The following SNX13 variants were observed in gnomAD, a reference collection of about 807,000 sequenced individuals.
SNX13 encodes the protein sorting nexin 13.
SNX13 carries 45 observed loss-of-function variants against 133.6 expected under a neutral mutation model. That is an observed-to-expected ratio of 0.34 (90% CI 0.27 to 0.43). The LOEUF (loss-of-function observed/expected upper bound fraction) is 0.43. SNX13 is among the 20% of genes least tolerant of loss of function. The pLI is 1.00. For missense variants in SNX13, 1,032 were observed against 1,145.1 expected (o/e 0.90, Z 1.43); for synonymous variants, 414 against 373.9 (o/e 1.11, Z -1.24).
intron 18 of SNX13, among the ~76,000 whole-genome samples, chr7:17,818,120 C>T (rs911557615): frequency 1.3e-5 from 2 of 152,114 alleles, no homozygotes; most frequent in African/African-American, 4.8e-5. Flanking sequence ...AAGAACCCTA[C>T]CATCTACAAG....
chr7:17,872,486 T>C (rs1794229957), intron 8 of SNX13, among the ~76,000 whole-genome samples: 1 of 152,210 alleles, frequency 6.6e-6, no homozygotes. Context: ...ATGAATCTAG[T>C]GATAGACATC....
intron 1 of SNX13, among the ~76,000 whole-genome samples, chr7:17,909,802 C>G (rs1798777574): frequency 6.6e-6 from 1 of 152,170 alleles, no homozygotes; most frequent in Admixed American, 6.5e-5. Context: ...ATCTGTGCAG[C>G]AAACCACCAT....
intron 5 of SNX13, among the ~76,000 whole-genome samples, chr7:17,887,068 C>G (rs1207183405): frequency 1.3e-5 from 2 of 151,690 alleles, no homozygotes; most frequent in Non-Finnish European, 2.9e-5. Context: ...GTTAACTTTA[C>G]TGAACACTTA....
chr7:17,794,307 G>A lies in SNX13; in HGVS notation c.2627-15C>T. 1.9e-6 allele frequency: 3 copies of A among 1,599,810 alleles called. No individual in the cohort carries two copies. Among genetic ancestry groups the A allele is most frequent in the Middle Eastern group, 1.8e-4 (1 of 5,602 alleles). ...CTTCAGCTCATCTAAATGAAGTGGAGGAAAACACACATAATTATTCAAAGG... is the reference window on the plus strand; with the variant it reads ...CTTCAGCTCATCTAAATGAAGTGGAAGAAAACACACATAATTATTCAAAGG... On this transcript the variant is annotated splice_polypyrimidine_tract_variant and intron_variant, in intron 25 of 25. Coordinates refer to ENST00000428135, the MANE Select transcript of SNX13 (RefSeq NM_015132.5).
At chr7:17,859,341 A>G (rs1373984598) in intron 9 of SNX13, among the ~76,000 whole-genome samples, 2 of 152,128 alleles carry the variant, frequency 1.3e-5, no homozygotes, top group Non-Finnish European at 2.9e-5. Flanking sequence ...CATTAGTAAT[A>G]AAGAAACTGC....
At position 17,882,745 on chromosome 7, in the gene SNX13, C is replaced by T. The variant is rs534695303; in HGVS notation, c.441-6955G>A. The T allele has an allele frequency of 3.6e-6, 4 of 1,101,494 alleles. No homozygotes were observed. In the Admixed American group the frequency reaches 1.9e-4, roughly 53 times the overall value. 68.2% of individuals were successfully genotyped at this position (1,101,494 alleles called of 1,614,324 possible). On this transcript the variant is annotated intron_variant, in intron 5 of 25. Transcript: ENST00000428135. ...ATTAGTAACAACCTGACCAGAGAAT[C>T]TTACTATTTTAGAACTGAAAGGGTT... is the stretch of plus-strand genomic sequence containing the variant.
At chr7:17,845,780 A>G in intron 11 of SNX13, 86 bp from the exon 12 acceptor site, 1 of 899,558 alleles carries the variant, frequency 1.1e-6, no homozygotes, top group Non-Finnish European at 1.7e-6. Context: ...AAAAAAATCA[A>G]GCTAAAACGG....
rs1000526756 is a variant in SNX13 at position 17,834,523 on chromosome 7, A to G, written c.1464+238T>C. On this transcript the variant is annotated intron_variant, in intron 14 of 25. Coordinates refer to ENST00000428135, the MANE Select transcript of SNX13 (RefSeq NM_015132.5). ...TCAATTCATCAAATTCTGAGACTAC[A>G]ATATCTAGCCCTACAATCAAATTCA... 1.3e-4 allele frequency among the ~76,000 whole-genome samples: 19 copies of G among 151,852 alleles called. No individual in the cohort carries two copies. In the East Asian group the frequency reaches 1.5e-3, roughly 12 times the overall value.
At chr7:17,796,718 TC>T in intron 25 of SNX13, 108 bp downstream of exon 25, 1 of 758,124 alleles carries the variant, frequency 1.3e-6, no homozygotes, top group East Asian at 2.5e-5. Context: ...TATTAAGCCA[TC>T]AAAAGGTAGT....
chr7:17,844,795 C>G (rs1256889749), intron 12 of SNX13, among the ~76,000 whole-genome samples: 1 of 149,640 alleles, frequency 6.7e-6, no homozygotes, highest in Non-Finnish European at 1.5e-5. Context: ...GAAGGATAAA[C>G]ACCACATCTT....
chr7:17,913,765 A>AAAAAAAAAAAAAAAAAAAAAAC, intron 1 of SNX13, among the ~76,000 whole-genome samples: 1 of 57,830 alleles, frequency 1.7e-5, no homozygotes, highest in African/African-American at 8.2e-5. Flanking sequence ...AAAAACAAAA[A>AAAAAAAAAAAAAAAAAAAAAAC]AAAAAAAAAA....
chr7:17,836,821 G>T (rs1789189808), intron 13 of SNX13, among the ~76,000 whole-genome samples: 1 of 151,942 alleles, frequency 6.6e-6, no homozygotes, highest in South Asian at 2.1e-4. Flanking sequence ...AATACAGAAA[G>T]ACTTTTTAAA....
chr7:17,800,929 A>T (rs1338236706), intron 22 of SNX13, among the ~76,000 whole-genome samples: 1 of 150,052 alleles, frequency 6.7e-6, no homozygotes, highest in African/African-American at 2.4e-5. Flanking sequence ...AGAACACTGG[A>T]ACTCTCATGT....
At position 17,897,345 on chromosome 7, in the gene SNX13, G is replaced by A. The variant is rs1287748981; in HGVS notation, c.114C>T (p.Cys38=). 1 of 1,561,504 alleles carries A rather than the reference G, an allele frequency of 6.4e-7. No individual in the cohort carries two copies. Among genetic ancestry groups the A allele is most frequent in the African/African-American group, 1.4e-5 (1 of 73,360 alleles). ...TTGAGTATACTTACCCACCCACAAA[G>A]CAGAGGATATAAAATGTCAAATAAA... ...VIFYLTFYIL[C]FVGGGLVVTL... Residue 38 remains cysteine (C), a synonymous_variant, in exon 2 of 26, where the codon TGC becomes TGT. Coordinates refer to ENST00000428135, the MANE Select transcript of SNX13 (RefSeq NM_015132.5).
At chr7:17,933,546 A>G (rs76370987) in intron 1 of SNX13, among the ~76,000 whole-genome samples, 2 of 148,332 alleles carry the variant, frequency 1.3e-5, no homozygotes, top group East Asian at 1.9e-4. Flanking sequence ...CTGTCTCAGA[A>G]AAAAAAAAAA....
At chr7:17,873,201 T>A (rs977683017) in intron 8 of SNX13, among the ~76,000 whole-genome samples, 2 of 152,202 alleles carry the variant, frequency 1.3e-5, no homozygotes, top group Admixed American at 6.5e-5. Flanking sequence ...GGTGACCCTT[T>A]CAACACCATT....
chr7:17,811,779 G>T (rs1786057154), intron 20 of SNX13, among the ~76,000 whole-genome samples: 1 of 152,128 alleles, frequency 6.6e-6, no homozygotes, highest in African/African-American at 2.4e-5. Context: ...AAACAGCATG[G>T]TACTGGTACC....
At chr7:17,913,194 C>T (rs1799185025) in intron 1 of SNX13, among the ~76,000 whole-genome samples, 1 of 152,316 alleles carries the variant, frequency 6.6e-6, no homozygotes, top group Non-Finnish European at 1.5e-5. Context: ...TCAAAGGAAA[C>T]ACAAGTGTGG....
At chr7:17,819,310 CA>C (rs1787019380) in intron 18 of SNX13, among the ~76,000 whole-genome samples, 1 of 152,038 alleles carries the variant, frequency 6.6e-6, no homozygotes, top group South Asian at 2.1e-4. Context: ...GCTGAGATCT[CA>C]GCTCACTGCA....
Sources: allele counts gnomAD v4.1 joint callset (sites outside exome capture counted in the v4.1 genomes callset), GRCh38; gene constraint gnomAD v4.1.1; transcripts MANE v1.5; gene names NCBI Gene and HGNC (gene_info 2026-07-23, HGNC 2026-07-21).